The following COX7B2 variants were observed in gnomAD, a reference collection of about 807,000 sequenced individuals.
The protein encoded by COX7B2 is cytochrome c oxidase subunit 7B2, also known as cytochrome c oxidase subunit 7B2, mitochondrial.
For synonymous variants in COX7B2, 37 were observed against 32.1 expected (o/e 1.15, Z -0.51); for missense variants, 109 against 95.9 (o/e 1.14, Z -0.57).
Position 46,780,138 on chromosome 4 carries a change from C to T in COX7B2, c.-49-44897G>A, listed in dbSNP as rs537474552. Among the ~76,000 whole-genome samples, 21 of 152,198 alleles carry T rather than the reference C, an allele frequency of 1.4e-4. No individual in the cohort carries two copies. The South Asian group carries it at 4.2e-3, about 30-fold the overall frequency. ...TAATAAGCTTGATTAGATTCAATGA[C>T]TAATCCAGGGTTACATGGTTGGAAT... On this transcript the variant is annotated intron_variant, in intron 2 of 2. Transcript: ENST00000355591.
intron 2 of COX7B2, among the ~76,000 whole-genome samples, chr4:46,773,070 A>G (rs544471713): frequency 1.3e-5 from 2 of 152,310 alleles, no homozygotes; most frequent in East Asian, 3.9e-4. Flanking sequence ...AAATATACAT[A>G]TTCTCTGTTC....
intron 2 of COX7B2, among the ~76,000 whole-genome samples, chr4:46,775,132 A>G (rs1445174413): frequency 2.6e-5 from 4 of 152,100 alleles, no homozygotes; most frequent in African/African-American, 9.7e-5. Context: ...ATAAATTACA[A>G]GTATATATCA....
rs1215385422 is a variant in COX7B2 at position 46,880,993 on chromosome 4, T to TAAAAAAAAAAAAAA, written c.-105+28153_-105+28166dup. ...ATGTACCCTAAAACTTAGAGTATAA[T>TAAAAAAAAAAAAAA]AAAAAAAAAAAAAAAAAACTCTTGG... On this transcript the variant is annotated intron_variant, in intron 1 of 2. Transcript: ENST00000355591. Among the ~76,000 whole-genome samples the TAAAAAAAAAAAAAA allele has an allele frequency of 8.3e-4, 85 of 102,690 alleles. 1 individual carries two copies. Among genetic ancestry groups the TAAAAAAAAAAAAAA allele is most frequent in the East Asian group, 9.8e-4 (3 of 3,056 alleles). 67.4% of individuals were successfully genotyped at this position (102,690 alleles called of 152,430 possible). A position where few individuals can be genotyped will look rare whatever the true frequency, so the allele number is the denominator to read the frequency against.
chr4:46,803,417 G>A (rs990821245), intron 2 of COX7B2, among the ~76,000 whole-genome samples: 3 of 152,006 alleles, frequency 2.0e-5, no homozygotes, highest in African/African-American at 7.2e-5. Context: ...TCAAAATTTT[G>A]AGTTCAGTTA....
intron 1 of COX7B2, among the ~76,000 whole-genome samples, chr4:46,904,624 T>G (rs1047243964): frequency 6.6e-6 from 1 of 152,124 alleles, no homozygotes; most frequent in Non-Finnish European, 1.5e-5. Flanking sequence ...AGGGAGAAAT[T>G]TGGTAATACA....
rs556956265 is a variant in COX7B2, at chr4:46,841,642, A to G, written c.-50+3318T>C. 3.9e-5 allele frequency among the ~76,000 whole-genome samples: 6 copies of G among 152,076 alleles called. No individual in the cohort carries two copies. The South Asian group carries it at 8.3e-4, about 21-fold the overall frequency. On this transcript the variant is annotated intron_variant, in intron 2 of 2. Transcript: ENST00000355591. ...CACTCAGCCATTGAGGAGCCTAACA[A>G]TGTGCTCTGAATTGTGACTGAACAG...
intron 1 of COX7B2, among the ~76,000 whole-genome samples, chr4:46,881,001 A>ATAAAT (rs1553896916): frequency 6.6e-6 from 1 of 150,634 alleles, no homozygotes; most frequent in African/African-American, 2.5e-5. Flanking sequence ...AATAAAAAAA[A>ATAAAT]AAAAAAAAAA....
At chr4:46,837,144 CTG>C (rs1274513255) in intron 2 of COX7B2, among the ~76,000 whole-genome samples, 1 of 151,970 alleles carries the variant, frequency 6.6e-6, no homozygotes, top group Admixed American at 6.6e-5. Flanking sequence ...TTAAGAGACT[CTG>C]AGACTTAGCT....
At chr4:46,852,802 T>A (rs1192892099) in intron 1 of COX7B2, among the ~76,000 whole-genome samples, 1 of 152,140 alleles carries the variant, frequency 6.6e-6, no homozygotes, top group Non-Finnish European at 1.5e-5. Flanking sequence ...GTTCTCATAC[T>A]GTAGATACAT....
At chr4:46,792,851 G>A (rs1718122099) in intron 2 of COX7B2, among the ~76,000 whole-genome samples, 1 of 152,150 alleles carries the variant, frequency 6.6e-6, no homozygotes, top group South Asian at 2.1e-4. Context: ...AATTTGATTA[G>A]CTTTAAGATG....
At chr4:46,899,512 T>C (rs151200123) in intron 1 of COX7B2, among the ~76,000 whole-genome samples, 50 of 152,122 alleles carry the variant, frequency 3.3e-4, no homozygotes, top group Non-Finnish European at 5.4e-4. Context: ...GGCTTAACAA[T>C]TGGAGGGTGC....
chr4:46,863,053 G>A (rs1308991652), intron 1 of COX7B2, among the ~76,000 whole-genome samples: 2 of 151,952 alleles, frequency 1.3e-5, no homozygotes, highest in Non-Finnish European at 2.9e-5. Flanking sequence ...TTCTTGCTTC[G>A]TAGGTTTATA....
intron 2 of COX7B2, among the ~76,000 whole-genome samples, chr4:46,756,469 A>T (rs1715807546): frequency 1.3e-5 from 2 of 152,122 alleles, no homozygotes; most frequent in African/African-American, 4.8e-5. Flanking sequence ...TAAACTAAAA[A>T]GCTTCTGTAC....
At chr4:46,752,734 T>C (rs1305500745) in intron 2 of COX7B2, among the ~76,000 whole-genome samples, 1 of 152,206 alleles carries the variant, frequency 6.6e-6, no homozygotes, top group Non-Finnish European at 1.5e-5. Context: ...TTGATTTGCA[T>C]ATGTTGAACC....
chr4:46,842,807 G>A (rs535350590), intron 2 of COX7B2, among the ~76,000 whole-genome samples: 2 of 152,172 alleles, frequency 1.3e-5, no homozygotes, highest in South Asian at 4.1e-4. Flanking sequence ...ATCATTGTTG[G>A]ACATTTAGGT....
chr4:46,838,266 G>A (rs975396293), intron 2 of COX7B2, among the ~76,000 whole-genome samples: 2 of 151,964 alleles, frequency 1.3e-5, no homozygotes, highest in African/African-American at 4.8e-5. Context: ...AATCATGCAT[G>A]TACTAGCATT....
intron 2 of COX7B2, among the ~76,000 whole-genome samples, chr4:46,814,989 C>T (rs1256181118): frequency 2.6e-5 from 4 of 151,894 alleles, no homozygotes; most frequent in East Asian, 3.9e-4. Context: ...AGTTTGAGAC[C>T]GGCCAGGCCA....
chr4:46,833,423 C>T (rs1451177963), intron 2 of COX7B2, among the ~76,000 whole-genome samples: 1 of 152,118 alleles, frequency 6.6e-6, no homozygotes, highest in African/African-American at 2.4e-5. Context: ...GAGGTGTATG[C>T]TTAATTCCTA....
intron 2 of COX7B2, among the ~76,000 whole-genome samples, chr4:46,737,764 A>C (rs1560342069): frequency 6.6e-6 from 1 of 152,236 alleles, no homozygotes; most frequent in East Asian, 1.9e-4. Flanking sequence ...TGGCCCAAAC[A>C]TAGGCAACAC....
Sources: gnomAD v4.1 joint callset for allele counts (sites outside exome capture counted in the v4.1 genomes callset) on GRCh38, gnomAD v4.1.1 for gene constraint, MANE v1.5 for transcripts, NCBI Gene and HGNC (gene_info 2026-07-23, HGNC 2026-07-21) for gene names.